DMD: variants seen among roughly 807,000 people sequenced by gnomAD.
The protein encoded by DMD is dystrophin.
A neutral mutation model predicts 330.1 loss-of-function variants in DMD; 63 were observed. The observed-to-expected ratio is 0.19, with a 90% CI of 0.16 to 0.24. The LOEUF (loss-of-function observed/expected upper bound fraction) is 0.24, where lower values mean the gene tolerates loss of function less well. DMD is among the 10% of genes least tolerant of loss of function. The pLI, the probability that DMD is intolerant of heterozygous loss-of-function variation, is 1.00. For synonymous variants in DMD, 1,223 were observed against 959.8 expected, an observed-to-expected ratio of 1.27 and a Z score of -5.07; for missense variants, 3,344 against 2,684.1, an observed-to-expected ratio of 1.25 and a Z score of -5.43.
intron 9 of DMD, among the ~76,000 whole-genome samples, chrX:32,669,620 A>T (rs113561881): frequency 5.5e-4 from 61 of 111,750 alleles, no homozygotes; most frequent in African/African-American, 1.9e-3. Flanking sequence ...CACTGGTCTT[A>T]ACTGATCTGT....
chrX:32,677,018 T>C (rs2147267149), intron 9 of DMD, among the ~76,000 whole-genome samples: 1 of 111,933 alleles, frequency 8.9e-6, no homozygotes, highest in South Asian at 3.7e-4. Context: ...AAAAGAGTTT[T>C]ACATTTTTAA....
At chrX:32,386,986 C>G (rs1161778469) in intron 32 of DMD, among the ~76,000 whole-genome samples, 2 of 110,116 alleles carry the variant, frequency 1.8e-5, no homozygotes, top group Non-Finnish European at 3.8e-5. Context: ...ATTAAAGCAC[C>G]TAAATTTCTA....
At chrX:32,360,994 G>T (rs1035102107) in intron 37 of DMD, among the ~76,000 whole-genome samples, 1 of 110,301 alleles carries the variant, frequency 9.1e-6, no homozygotes, top group African/African-American at 3.3e-5. Flanking sequence ...ACTTGTATTG[G>T]CTGGGTCTGT....
chrX:31,126,617 G>A, intron 78 of DMD, 25 bp downstream of exon 78: 1 of 1,189,065 alleles, frequency 8.4e-7, no homozygotes, highest in Non-Finnish European at 1.1e-6. Flanking sequence ...CAGAAGCCAT[G>A]GCCGTGAGCC....
At chrX:31,475,170 T>A (rs1303890233) in intron 59 of DMD, among the ~76,000 whole-genome samples, 1 of 111,632 alleles carries the variant, frequency 9.0e-6, no homozygotes, top group African/African-American at 3.3e-5. Flanking sequence ...AAGATAGATG[T>A]GCTGGGTTAT....
At chrX:33,004,367 T>A (rs896546424) in intron 2 of DMD, among the ~76,000 whole-genome samples, 9 of 111,519 alleles carry the variant, frequency 8.1e-5, no homozygotes, top group Non-Finnish European at 1.1e-4. Flanking sequence ...ATTCTTCTAA[T>A]GAGCTGTGAC....
intron 47 of DMD, among the ~76,000 whole-genome samples, chrX:31,913,936 T>C (rs1282488141): frequency 1.8e-5 from 2 of 111,767 alleles, no homozygotes; most frequent in Admixed American, 9.5e-5. Context: ...AAAACAACCA[T>C]TGCCTCCACT....
intron 55 of DMD, among the ~76,000 whole-genome samples, chrX:31,616,169 G>C (rs2078187879): frequency 8.9e-6 from 1 of 111,752 alleles, no homozygotes; most frequent in African/African-American, 3.3e-5. Flanking sequence ...TCTCTCTAAT[G>C]CAATGTCAGA....
At chrX:31,175,764 C>T (rs1298545509) in intron 71 of DMD, among the ~76,000 whole-genome samples, 1 of 111,144 alleles carries the variant, frequency 9.0e-6, no homozygotes. Context: ...TTCCATCCCA[C>T]CCACCACCAC....
intron 57 of DMD, among the ~76,000 whole-genome samples, chrX:31,483,282 G>A (rs779206899): frequency 0.01 from 1,150 of 109,670 alleles, 34 homozygotes; most frequent in African/African-American, 0.036. Context: ...TCCCAACCTC[G>A]TGATCTGCCC....
At chrX:32,831,130 T>G (rs1016701175) in intron 4 of DMD, among the ~76,000 whole-genome samples, 9 of 110,803 alleles carry the variant, frequency 8.1e-5, no homozygotes, top group African/African-American at 1.6e-4. Context: ...CCAGGTACTC[T>G]ACCTCCTAAA....
At chrX:31,371,555 G>A (rs1226824129) in intron 60 of DMD, among the ~76,000 whole-genome samples, 1 of 111,062 alleles carries the variant, frequency 9.0e-6, no homozygotes, top group African/African-American at 3.3e-5. Flanking sequence ...AGTGTCCGGT[G>A]AAAGGCTCGT....
rs145343465 is a variant in DMD at position 32,845,663 on chromosome X, T to C, written c.187-803A>G. Among the ~76,000 whole-genome samples the C allele has an allele frequency of 2.8e-3, 308 of 111,437 alleles. 1 individual carries two copies. The highest frequency in any genetic ancestry group is 5.0e-3 in the Non-Finnish European group (264 of 53,104). ...AAGCCCACTGCCAATGCAAACCACT[T>C]GCAAAGTTCTCACCTAAACATTTGG... On this transcript the variant is annotated intron_variant, in intron 3 of 78. Transcript: ENST00000357033.
rs188542817 is a variant in DMD at position 32,076,047 on chromosome X, T to C, written c.6439-107533A>G. Among the ~76,000 whole-genome samples, 464 of 52,609 alleles carry C rather than the reference T, an allele frequency of 8.8e-3. 10 individuals carry two copies. The highest frequency in any genetic ancestry group is 0.037 in the African/African-American group (449 of 12,228). The allele number at this position is 52,609 out of a possible 115,157, so 45.7% of individuals were successfully genotyped here. On this transcript the variant is annotated intron_variant, in intron 44 of 78. Transcript: ENST00000357033. ...CAGCCTGGGTGACAGAACGAGACTC[T>C]GTCTCAAAAAAAAAAAAAAAAAAAA...
intron 16 of DMD, among the ~76,000 whole-genome samples, chrX:32,547,012 C>T (rs181161664): frequency 1.8e-3 from 195 of 109,942 alleles, no homozygotes; most frequent in African/African-American, 5.4e-3. Context: ...AGAAAACTTG[C>T]TTTGCAAAGA....
intron 1 of DMD, among the ~76,000 whole-genome samples, chrX:33,113,449 C>A (rs1271579834): frequency 1.8e-5 from 2 of 112,114 alleles, no homozygotes; most frequent in East Asian, 2.8e-4. Flanking sequence ...TTTTAGAGTT[C>A]TTGATCTTTG....
chrX:31,344,145 G>A (rs1404506520), intron 61 of DMD, among the ~76,000 whole-genome samples: 2 of 110,003 alleles, frequency 1.8e-5, no homozygotes. Context: ...GCCACACCAT[G>A]CCTAGCTCAA....
intron 60 of DMD, among the ~76,000 whole-genome samples, chrX:31,411,957 G>A (rs1311138932): frequency 4.6e-5 from 5 of 109,883 alleles, no homozygotes; most frequent in Admixed American, 9.6e-5. Context: ...AGGTCGAGGC[G>A]GGCGAGTCAC....
chrX:31,836,531 G>C (rs1377145460), intron 49 of DMD, among the ~76,000 whole-genome samples, 187 bp downstream of exon 49: 1 of 112,522 alleles, frequency 8.9e-6, no homozygotes, highest in Non-Finnish European at 1.9e-5. Flanking sequence ...ATAGCCTTAA[G>C]ATCACAATAT....
Sources: allele counts gnomAD v4.1 joint callset (sites outside exome capture counted in the v4.1 genomes callset), GRCh38; gene constraint gnomAD v4.1.1; transcripts MANE v1.5; gene names NCBI Gene and HGNC (gene_info 2026-07-23, HGNC 2026-07-21).